ARAP1: variants seen among roughly 807,000 people sequenced by gnomAD.
The protein encoded by ARAP1 is arf-GAP with Rho-GAP domain, ANK repeat and PH domain-containing protein 1.
In ARAP1, 76 loss-of-function variants were observed where a neutral mutation model predicts 172.2. The observed-to-expected ratio is 0.44, with a 90% confidence interval of 0.37 to 0.53. ARAP1 has a LOEUF of 0.53. Ranked by LOEUF, ARAP1 falls within the 20% of genes least tolerant of loss-of-function variation. The pLI is 0.00. For missense variants in ARAP1, 1,686 were observed against 1,977.5 expected (o/e 0.85, Z 2.80); for synonymous variants, 804 against 803.3 (o/e 1.00, Z -0.01).
At chr11:72,698,956 C>T (rs1194319220) in intron 18 of ARAP1, 49 bp downstream of exon 18, 3 of 1,592,698 alleles carry the variant, frequency 1.9e-6, no homozygotes, top group Admixed American at 1.7e-5. Flanking sequence ...GGAGGCCCCA[C>T]CTTCCCCAGT....
intron 30 of ARAP1, among the ~76,000 whole-genome samples, chr11:72,692,199 C>A (rs1855963940): frequency 6.6e-6 from 1 of 152,128 alleles, no homozygotes; most frequent in African/African-American, 2.4e-5. Flanking sequence ...ACAGAAGTAT[C>A]CCCCTAGGAA....
At chr11:72,727,235 CA>C in intron 2 of ARAP1, 63 bp from the exon 3 acceptor site, 8 of 1,343,798 alleles carry the variant, frequency 6.0e-6, no homozygotes, top group Non-Finnish European at 7.9e-6. Context: ...CCCTCACCAG[CA>C]GCCTGCATGG....
chr11:72,696,888 G>T, intron 22 of ARAP1, 95 bp downstream of exon 22: 1 of 1,324,074 alleles, frequency 7.6e-7, no homozygotes, highest in Non-Finnish European at 1.0e-6. Context: ...CTGTGGGTTA[G>T]GGTAAGCCTA....
chr11:72,712,721 G>T, intron 5 of ARAP1, 153 bp from the exon 6 acceptor site: 1 of 1,290,252 alleles, frequency 7.8e-7, no homozygotes, highest in Non-Finnish European at 1.1e-6. Context: ...CCCTGCCAGC[G>T]GAGACCACAC....
In ARAP1 at chr11:72,699,123, C is replaced by T. The variant is rs746634222; in HGVS notation, c.2439-16G>A. 79 of 1,613,562 alleles carry T rather than the reference C, an allele frequency of 4.9e-5. No individual in the cohort carries two copies. The East Asian group carries it at 1.6e-3, about 34-fold the overall frequency. ...GTGCTCAAAGCTGCAAATACACAGGCCAGGACTCAGGCCCACCTCATCCAG... is the reference window on the plus strand; with the variant it reads ...GTGCTCAAAGCTGCAAATACACAGGTCAGGACTCAGGCCCACCTCATCCAG... On this transcript the variant is annotated splice_polypyrimidine_tract_variant and intron_variant, in intron 17 of 34. Transcript: ENST00000393609. The surrounding 1 kb of genome is among the most constrained non-coding windows in gnomAD (Gnocchi z 4.2).
intron 11 of ARAP1, 38 bp from the exon 12 acceptor site, chr11:72,707,412 C>A: frequency 6.4e-7 from 1 of 1,569,722 alleles, no homozygotes. Context: ...TGGGGATGGA[C>A]TCAGAGGGAT....
chr11:72,743,420 A>G (rs7932599), intron 1 of ARAP1, among the ~76,000 whole-genome samples: 151,633 of 151,640 alleles, frequency 1, 75,813 homozygotes, highest in Middle Eastern at 1. Context: ...GAGCCACAGC[A>G]GCTGTGGCTG....
At chr11:72,736,875 C>A (rs1454629190) in intron 1 of ARAP1, among the ~76,000 whole-genome samples, 1 of 152,176 alleles carries the variant, frequency 6.6e-6, no homozygotes, top group Non-Finnish European at 1.5e-5. Context: ...CAGTGACATA[C>A]CCCAACCCCC....
In ARAP1 at chr11:72,726,812, G is replaced by A. The variant is rs1234616290; in HGVS notation, c.317C>T (p.Thr106Ile). 1 of 1,561,558 alleles carries A rather than the reference G, an allele frequency of 6.4e-7. No individual in the cohort carries two copies. Among genetic ancestry groups the A allele is most frequent in the African/African-American group, 1.4e-5 (1 of 73,746 alleles). Residue 106 changes from threonine (T) to isoleucine (I), a missense_variant, in exon 3 of 35, where the codon ACA (threonine) becomes ATA (isoleucine). By Grantham distance (89) the Thr-to-Ile change is moderately conservative. This residue lies in a region of ARAP1 where 190 missense variants were observed against 228.6 expected (regional missense o/e 0.83). Coordinates refer to ENST00000393609, the MANE Select transcript of ARAP1 (RefSeq NM_001040118.3). The surrounding 1 kb of genome is among the most constrained non-coding windows in gnomAD (Gnocchi z 6.5). ...GGCAGCGGGGAGCCCCTCATCCTCT[G>A]TAGTGGTGGGCAGCGGCTCGGGTGG... ...ATPPEPLPTT[T>I]EDEGLPAAPP...
chr11:72,741,496 A>C lies in ARAP1; in HGVS notation c.-127-8899T>G, dbSNP rs1858198080. ...GGCTCCCTGGCCCTCAGGCACAGAC[A>C]CACTCTACAGGGGCTGGGGACTTCC... On this transcript the variant is annotated intron_variant, in intron 1 of 34. Transcript: ENST00000393609. The surrounding 1 kb of genome is among the most constrained non-coding windows in gnomAD (Gnocchi z 4.5). 2.0e-5 allele frequency among the ~76,000 whole-genome samples: 3 copies of C among 152,050 alleles called. No individual in the cohort carries two copies. Among genetic ancestry groups the C allele is most frequent in the Admixed American group, 6.5e-5 (1 of 15,272 alleles).
At chr11:72,697,670 G>A (rs766683407) in intron 19 of ARAP1, 21 bp from the exon 20 acceptor site, 39 of 1,613,812 alleles carry the variant, frequency 2.4e-5, no homozygotes, top group Non-Finnish European at 3.3e-5. Flanking sequence ...GTTAGTCAAG[G>A]TGAGGCCCAG....
At chr11:72,735,137 C>T (rs4944732) in intron 1 of ARAP1, among the ~76,000 whole-genome samples, 26,500 of 152,002 alleles carry the variant, frequency 0.17, 2,627 homozygotes, top group Middle Eastern at 0.32. Context: ...TGCACCACCA[C>T]GCCCGGCTAA....
rs118182485 is a variant in ARAP1 at position 72,729,792 on chromosome 11, G to A, written c.-44-2620C>T. 7.1e-4 allele frequency among the ~76,000 whole-genome samples: 108 copies of A among 151,708 alleles called. No homozygotes were observed. The East Asian group carries it at 0.015, about 21-fold the overall frequency. ...CTAAAAATTAGGCAGCTGCACACTT[G>A]TAGTCTCAGCTACTTGTGAGGATGA... On this transcript the variant is annotated intron_variant, in intron 2 of 34. Coordinates refer to ENST00000393609, the MANE Select transcript of ARAP1 (RefSeq NM_001040118.3).
In ARAP1 at chr11:72,699,157, C is replaced by T. The variant is rs766502046; in HGVS notation, c.2439-50G>A. The T allele has an allele frequency of 2.5e-6, 4 of 1,584,570 alleles. No homozygotes were observed. The highest frequency in any genetic ancestry group is 3.5e-6 in the Non-Finnish European group (4 of 1,155,078). ...AGGCCCACCTCATCCAGCACGGGCC[C>T]ACCCCCAACCCGCACCATCAACCGC... On this transcript the variant is annotated intron_variant, in intron 17 of 34. Coordinates refer to ENST00000393609, the MANE Select transcript of ARAP1 (RefSeq NM_001040118.3). This position sits in a 1 kb window ranked among gnomAD's most constrained non-coding sequence, Gnocchi z 4.2.
At chr11:72,740,916 C>G (rs1858176136) in intron 1 of ARAP1, among the ~76,000 whole-genome samples, 1 of 152,180 alleles carries the variant, frequency 6.6e-6, no homozygotes, top group African/African-American at 2.4e-5. Context: ...CCCTCATGTC[C>G]AAGCCCCAAC....
chr11:72,711,345 T>A, intron 8 of ARAP1, 85 bp downstream of exon 8: 2 of 1,534,360 alleles, frequency 1.3e-6, no homozygotes, highest in South Asian at 2.3e-5. Context: ...CGAGGACTCC[T>A]CTGGGGAGGG....
intron 1 of ARAP1, among the ~76,000 whole-genome samples, chr11:72,739,020 G>A (rs1162747324): frequency 4.6e-5 from 7 of 152,192 alleles, no homozygotes; most frequent in Admixed American, 4.6e-4. Flanking sequence ...ACTCAGGCAA[G>A]AGTGTTAGAG....
rs748124761 is a variant in ARAP1, at chr11:72,710,494, G to A, written c.1307C>T (p.Pro436Leu). 6.2e-7 allele frequency: 1 copy of A among 1,614,096 alleles called. No homozygotes were observed. Among genetic ancestry groups the A allele is most frequent in the East Asian group, 2.2e-5 (1 of 44,868 alleles). Residue 436 changes from proline to leucine, a missense_variant, in exon 10 of 35, where the codon CCA becomes CTA. Coordinates refer to ENST00000393609, the MANE Select transcript of ARAP1 (RefSeq NM_001040118.3). The surrounding 1 kb of genome is among the most constrained non-coding windows in gnomAD (Gnocchi z 4.3). ...AGCGCGGTCAGGCTGCTCTGAGCCT[G>A]GAACTCCCAGCAGATAAGCGCTAGA... is the stretch of plus-strand genomic sequence containing the variant. ...RLSSAYLLGV[P>L]GSEQPDRAGS...
rs1279765335 is a variant in ARAP1, at chr11:72,699,500, C to T, written c.2355G>A (p.Glu785=). 2 of 1,613,816 alleles carry T rather than the reference C, an allele frequency of 1.2e-6. No homozygotes were observed. Among genetic ancestry groups the T allele is most frequent in the Non-Finnish European group, 1.7e-6 (2 of 1,179,968 alleles). ...VLGDGVLSYF[E]NERAVTPNGE... ...CATTGGGGGTCACTGCCCGCTCATT[C>T]TCAAAGTAGCTCAGGACCCCGTCAC... Residue 785 remains glutamate (E), a synonymous_variant, in exon 17 of 35, where the codon GAG becomes GAA. Coordinates refer to ENST00000393609, the MANE Select transcript of ARAP1 (RefSeq NM_001040118.3). The surrounding 1 kb of genome is among the most constrained non-coding windows in gnomAD (Gnocchi z 4.2).
Sources: allele counts gnomAD v4.1 joint callset (sites outside exome capture counted in the v4.1 genomes callset), GRCh38; gene constraint gnomAD v4.1.1; regional missense constraint gnomAD v4.1.1; non-coding constraint Gnocchi (gnomAD v3.1); transcripts MANE v1.5; gene names NCBI Gene and HGNC (gene_info 2026-07-23, HGNC 2026-07-21).